The following PCDHA12 variants were observed in gnomAD, a reference collection of about 807,000 sequenced individuals.
PCDHA12 encodes the protein protocadherin alpha-12.
Under a neutral mutation model 60.0 loss-of-function variants are expected in PCDHA12, and 44 were observed. The ratio of observed to expected loss-of-function variants is 0.73; its 90% confidence interval spans 0.58 to 0.94. PCDHA12 has a LOEUF of 0.94. PCDHA12 is among the 40% of genes least tolerant of loss of function. PCDHA12 has a pLI of 0.00. For synonymous variants in PCDHA12, 569 were observed against 553.0 expected, an observed-to-expected ratio of 1.03 and a Z score of -0.40; for missense variants, 1,276 against 1,239.7, an observed-to-expected ratio of 1.03 and a Z score of -0.44.
chr5:141,005,936 G>A (rs1233031842), intron 3 of PCDHA12, among the ~76,000 whole-genome samples: 1 of 151,890 alleles, frequency 6.6e-6, no homozygotes, highest in African/African-American at 2.4e-5. Context: ...GACAGAGTGA[G>A]AACCTATCTC....
chr5:140,936,834 T>TA (rs1554211213), intron 1 of PCDHA12, among the ~76,000 whole-genome samples: 1 of 152,210 alleles, frequency 6.6e-6, no homozygotes, highest in African/African-American at 2.4e-5. Context: ...CATTTCTATA[T>TA]AAATTGTAGA....
intron 2 of PCDHA12, 26 bp downstream of exon 2, chr5:140,979,033 C>G: frequency 6.2e-7 from 1 of 1,613,044 alleles, no homozygotes; most frequent in Admixed American, 1.7e-5. Flanking sequence ...CTCATTCACT[C>G]AGAAGTAACC....
chr5:140,917,313 T>C (rs1294382574), intron 1 of PCDHA12, among the ~76,000 whole-genome samples: 12 of 132,588 alleles, frequency 9.1e-5, no homozygotes, highest in African/African-American at 3.0e-4. Flanking sequence ...TACAATTTGG[T>C]GTTCATGTGG....
At chr5:140,952,389 ACT>A (rs2094739055) in intron 1 of PCDHA12, among the ~76,000 whole-genome samples, 2 of 151,722 alleles carry the variant, frequency 1.3e-5, no homozygotes, top group African/African-American at 4.8e-5. Flanking sequence ...GGTACCCTAA[ACT>A]CATCATTCTC....
At position 141,009,757 on chromosome 5, in the gene PCDHA12, A is replaced by G; in HGVS notation, c.2646A>G (p.Pro882=). 6.2e-7 allele frequency: 1 copy of G among 1,614,200 alleles called. No individual in the cohort carries two copies. Among genetic ancestry groups the G allele is most frequent in the Non-Finnish European group, 8.5e-7 (1 of 1,180,036 alleles). Residue 882 remains proline (P), a synonymous_variant, in exon 4 of 4, where the codon CCA becomes CCG. Coordinates refer to ENST00000398631, the MANE Select transcript of PCDHA12 (RefSeq NM_018903.4). ...AGTTGCCCGACAAATTCATTATCCCAGGATCTCCTGCAATCATCTCCATCC... is the reference window on the plus strand; with the variant it reads ...AGTTGCCCGACAAATTCATTATCCCGGGATCTCCTGCAATCATCTCCATCC... ...PGELPDKFII[P]GSPAIISIRQ... is the part of the protein sequence containing the mutation.
At chr5:140,982,298 A>G (rs1371152402) in intron 2 of PCDHA12, 177 bp from the exon 3 acceptor site, 12 of 1,189,736 alleles carry the variant, frequency 1.0e-5, no homozygotes, top group Admixed American at 5.6e-5. Flanking sequence ...TAAGTCAGCA[A>G]TGCTTCTGCA....
chr5:141,000,555 G>A (rs1395458694), intron 3 of PCDHA12, among the ~76,000 whole-genome samples: 1 of 148,762 alleles, frequency 6.7e-6, no homozygotes, highest in Non-Finnish European at 1.5e-5. Context: ...AAACTCCCGA[G>A]TAGCTGGGAT....
At chr5:140,928,061 C>T (rs2084900711) in intron 1 of PCDHA12, 1 of 1,614,192 alleles carries the variant, frequency 6.2e-7, no homozygotes, top group African/African-American at 1.3e-5. Flanking sequence ...CTGACGGCTT[C>T]CTTTGACAAC....
At chr5:140,897,353 T>C (rs1363658526) in intron 1 of PCDHA12, among the ~76,000 whole-genome samples, 3 of 116,194 alleles carry the variant, frequency 2.6e-5, no homozygotes, top group Non-Finnish European at 4.9e-5. Flanking sequence ...CCCACAACTG[T>C]CCCCAGAGTG....
chr5:140,942,122 G>A (rs2093234713), intron 1 of PCDHA12, among the ~76,000 whole-genome samples: 1 of 152,064 alleles, frequency 6.6e-6, no homozygotes, highest in Non-Finnish European at 1.5e-5. Flanking sequence ...TTTATTAAAG[G>A]TGATATTTGT....
At chr5:140,997,225 C>T (rs1554255781) in intron 3 of PCDHA12, among the ~76,000 whole-genome samples, 1 of 152,090 alleles carries the variant, frequency 6.6e-6, no homozygotes, top group African/African-American at 2.4e-5. Context: ...CTATCATTAC[C>T]ACCCAACTTC....
rs1562773759 is a variant in PCDHA12 at position 140,882,388 on chromosome 5, A to G, written c.2367+4549A>G. 2.5e-6 allele frequency: 4 copies of G among 1,614,158 alleles called. No individual in the cohort carries two copies. The African/African-American group carries it at 4.0e-5, about 16-fold the overall frequency. Reference sequence around the variant, plus strand: ...ACTACTCCGTCCCCGAGGAAGCAAAACACGGCACCTTCGTGGGCCGCATCG... The same window carrying G: ...ACTACTCCGTCCCCGAGGAAGCAAAGCACGGCACCTTCGTGGGCCGCATCG... On this transcript the variant is annotated intron_variant, in intron 1 of 3. Transcript: ENST00000398631.
At chr5:140,987,232 A>G (rs1554248942) in intron 3 of PCDHA12, among the ~76,000 whole-genome samples, 1 of 151,894 alleles carries the variant, frequency 6.6e-6, no homozygotes, top group African/African-American at 2.4e-5. Flanking sequence ...AAAAAATAAT[A>G]AATAAAGAAA....
At chr5:140,968,211 A>G (rs1039283745) in intron 1 of PCDHA12, 1 of 1,614,002 alleles carries the variant, frequency 6.2e-7, no homozygotes. Context: ...CAGGAGAACA[A>G]TTTGCCAGGT....
Position 140,876,323 on chromosome 5 carries a change from T to C in PCDHA12, c.851T>C (p.Ile284Thr), listed in dbSNP as rs1554168484. 1 of 1,614,000 alleles carries C rather than the reference T, an allele frequency of 6.2e-7. No individual in the cohort carries two copies. The highest frequency in any genetic ancestry group is 1.6e-4 in the Middle Eastern group (1 of 6,062). ...NGEISYGIKM[I>T]LPVSEKCMFS... Reference sequence around the variant, plus strand: ...GAAATTTCCTATGGGATCAAAATGATTTTGCCAGTGAGTGAGAAATGTATG... The same window carrying C: ...GAAATTTCCTATGGGATCAAAATGACTTTGCCAGTGAGTGAGAAATGTATG... Residue 284 changes from isoleucine to threonine, a missense_variant, in exon 1 of 4, where the codon ATT becomes ACT. Coordinates refer to ENST00000398631, the MANE Select transcript of PCDHA12 (RefSeq NM_018903.4).
At chr5:141,004,919 T>A (rs144687292) in intron 3 of PCDHA12, among the ~76,000 whole-genome samples, 2 of 152,264 alleles carry the variant, frequency 1.3e-5, no homozygotes, top group East Asian at 3.9e-4. Flanking sequence ...GGAAAAGGGT[T>A]TGGAAGAGAG....
chr5:140,898,349 C>A (rs1310511547), intron 1 of PCDHA12, among the ~76,000 whole-genome samples: 1 of 152,168 alleles, frequency 6.6e-6, no homozygotes, highest in African/African-American at 2.4e-5. Flanking sequence ...TTTAATCCAT[C>A]TTGAATTAAT....
At chr5:140,913,896 C>T (rs1440194616) in intron 1 of PCDHA12, among the ~76,000 whole-genome samples, 5 of 152,018 alleles carry the variant, frequency 3.3e-5, no homozygotes, top group African/African-American at 7.2e-5. Context: ...TCCAAAATTC[C>T]CCTTTTTTAT....
At chr5:140,898,930 G>A (rs2067050521) in intron 1 of PCDHA12, among the ~76,000 whole-genome samples, 1 of 152,054 alleles carries the variant, frequency 6.6e-6, no homozygotes, top group African/African-American at 2.4e-5. Context: ...GGATTCCTAA[G>A]TATTTTATTC....
Sources: gnomAD v4.1 joint callset for allele counts (sites outside exome capture counted in the v4.1 genomes callset) on GRCh38, gnomAD v4.1.1 for gene constraint, MANE v1.5 for transcripts, NCBI Gene and HGNC (gene_info 2026-07-23, HGNC 2026-07-21) for gene names.